CTNNA3: variants seen among roughly 807,000 people sequenced by gnomAD.
CTNNA3 encodes catenin alpha 3.
In CTNNA3, 76 loss-of-function variants were observed where a neutral mutation model predicts 95.7. The observed-to-expected ratio is 0.79, with a 90% CI of 0.66 to 0.96. The LOEUF (loss-of-function observed/expected upper bound fraction) is 0.96. Ranked by LOEUF, CTNNA3 falls within the 40% of genes least tolerant of loss-of-function variation. The probability of loss-of-function intolerance (pLI) is 0.00; values close to 1 mark genes in which losing one functional copy is unlikely to be tolerated. For missense variants in CTNNA3, 1,191 were observed against 1,089.8 expected (o/e 1.09, Z -1.31); for synonymous variants, 431 against 374.4 (o/e 1.15, Z -1.74).
At chr10:65,922,655 T>A (rs2077106808) in intron 17 of CTNNA3, among the ~76,000 whole-genome samples, 1 of 152,178 alleles carries the variant, frequency 6.6e-6, no homozygotes, top group Non-Finnish European at 1.5e-5. Flanking sequence ...CTTTTTTTTC[T>A]TATTCTCCAA....
intron 15 of CTNNA3, among the ~76,000 whole-genome samples, chr10:66,052,271 C>CA (rs1234699504): frequency 1.3e-5 from 2 of 152,084 alleles, no homozygotes; most frequent in Non-Finnish European, 2.9e-5. Flanking sequence ...CAGAAAGGAC[C>CA]TGGCTAATGA....
intron 3 of CTNNA3, among the ~76,000 whole-genome samples, chr10:67,566,006 T>TAC (rs1339908096): frequency 9.2e-6 from 1 of 108,384 alleles, no homozygotes; most frequent in Non-Finnish European, 1.8e-5. Context: ...TATATATATA[T>TAC]ACACACACAA....
intron 5 of CTNNA3, among the ~76,000 whole-genome samples, chr10:67,504,379 T>A (rs1839360099): frequency 1.7e-5 from 2 of 117,474 alleles, no homozygotes; most frequent in Admixed American, 1.1e-4. Context: ...CAAGAACCAC[T>A]GCACTGAAAT....
At chr10:67,169,990 A>G (rs532900584) in intron 7 of CTNNA3, among the ~76,000 whole-genome samples, 122 of 152,346 alleles carry the variant, frequency 8.0e-4, no homozygotes, top group Non-Finnish European at 1.3e-3. Flanking sequence ...AAAAGAAGAC[A>G]TAGATGTGGC....
intron 12 of CTNNA3, among the ~76,000 whole-genome samples, chr10:66,340,097 T>A (rs563609787): frequency 1.3e-5 from 2 of 151,806 alleles, no homozygotes; most frequent in Non-Finnish European, 3.0e-5. Flanking sequence ...TATTTGTGGG[T>A]CTTGGTTGAC....
intron 2 of CTNNA3, among the ~76,000 whole-genome samples, chr10:67,639,280 C>T (rs561586259): frequency 6.6e-5 from 10 of 152,294 alleles, no homozygotes; most frequent in African/African-American, 2.2e-4. Flanking sequence ...TTCCTCGACA[C>T]ATACACCCTC....
At chr10:66,515,345 C>CTA (rs1554809600) in intron 11 of CTNNA3, among the ~76,000 whole-genome samples, 1,639 of 148,954 alleles carry the variant, frequency 0.011, 16 homozygotes, top group African/African-American at 0.015. Flanking sequence ...CTCTCTCTCT[C>CTA]TATATATATA....
At chr10:66,498,723 G>A (rs1032337333) in intron 11 of CTNNA3, among the ~76,000 whole-genome samples, 12 of 152,222 alleles carry the variant, frequency 7.9e-5, no homozygotes, top group African/African-American at 2.9e-4. Flanking sequence ...ATCATTCTGT[G>A]CAATTACACA....
Position 67,351,951 on chromosome 10 carries a change from A to G in CTNNA3, c.580-132081T>C, listed in dbSNP as rs111368117. On this transcript the variant is annotated intron_variant, in intron 5 of 17. Coordinates refer to ENST00000433211, the MANE Select transcript of CTNNA3 (RefSeq NM_013266.4). ...AACATTCCATTTCCTGAAAATGATC[A>G]TCAAAAGACAAATGCAATTTAATTC... Among the ~76,000 whole-genome samples, 123 of 152,172 alleles carry G rather than the reference A, an allele frequency of 8.1e-4. 1 individual carries two copies. Among genetic ancestry groups the G allele is most frequent in the African/African-American group, 2.9e-3 (119 of 41,568 alleles).
intron 10 of CTNNA3, among the ~76,000 whole-genome samples, chr10:66,534,599 T>G (rs920735910): frequency 6.7e-6 from 1 of 149,986 alleles, no homozygotes; most frequent in African/African-American, 2.4e-5. Flanking sequence ...GAATAATGTC[T>G]TTCTTAAATT....
chr10:67,752,397 C>G (rs1841412145), intron 1 of CTNNA3, among the ~76,000 whole-genome samples: 1 of 152,086 alleles, frequency 6.6e-6, no homozygotes, highest in Admixed American at 6.6e-5. Flanking sequence ...GGAAGCATTC[C>G]CCTTGAAACC....
At chr10:67,121,853 A>G (rs1195066854) in intron 7 of CTNNA3, among the ~76,000 whole-genome samples, 4 of 152,014 alleles carry the variant, frequency 2.6e-5, no homozygotes, top group Non-Finnish European at 5.9e-5. Flanking sequence ...AAACAGGGAT[A>G]TAGGTCCATA....
At chr10:67,309,538 A>G (rs985733555) in intron 5 of CTNNA3, among the ~76,000 whole-genome samples, 1 of 152,094 alleles carries the variant, frequency 6.6e-6, no homozygotes, top group Non-Finnish European at 1.5e-5. Flanking sequence ...GCTAATAAGA[A>G]TAAGTGTGTG....
intron 10 of CTNNA3, among the ~76,000 whole-genome samples, chr10:66,581,769 G>A (rs1843197216): frequency 6.6e-6 from 1 of 151,390 alleles, no homozygotes; most frequent in Admixed American, 6.6e-5. Flanking sequence ...GATCTTTTAT[G>A]GTTTCAGGTC....
At chr10:67,723,675 T>C (rs1184964572) in intron 1 of CTNNA3, among the ~76,000 whole-genome samples, 1 of 152,220 alleles carries the variant, frequency 6.6e-6, no homozygotes, top group East Asian at 1.9e-4. Context: ...AAATGCTTTT[T>C]GGTCCACTTT....
In CTNNA3 at chr10:65,990,325, T is replaced by C. The variant is rs543641652; in HGVS notation, c.2160-1528A>G. ...TCCATATTGTTTTCCATAATGGCTG[T>C]ACTAGTTTACATTCTCATCAACAGT... On this transcript the variant is annotated intron_variant, in intron 15 of 17. Transcript: ENST00000433211. Among the ~76,000 whole-genome samples, 6 of 151,852 alleles carry C rather than the reference T, an allele frequency of 4.0e-5. No homozygotes were observed. The South Asian group carries it at 1.2e-3, about 31-fold the overall frequency.
intron 10 of CTNNA3, among the ~76,000 whole-genome samples, chr10:66,554,377 A>G (rs562005563): frequency 6.6e-6 from 1 of 152,220 alleles, no homozygotes; most frequent in South Asian, 2.1e-4. Context: ...GACTCTTTAA[A>G]TCTATTATCT....
chr10:67,249,405 A>T (rs1463817185), intron 5 of CTNNA3, among the ~76,000 whole-genome samples: 3 of 152,188 alleles, frequency 2.0e-5, no homozygotes, highest in African/African-American at 4.8e-5. Context: ...TAATATTTAC[A>T]TACATCACAT....
intron 12 of CTNNA3, among the ~76,000 whole-genome samples, chr10:66,334,295 G>T (rs1025517208): frequency 6.6e-6 from 1 of 151,870 alleles, no homozygotes; most frequent in Non-Finnish European, 1.5e-5. Context: ...TATTTTGCTC[G>T]TTAGTTGATG....
Sources: gnomAD v4.1 joint callset for allele counts (sites outside exome capture counted in the v4.1 genomes callset) on GRCh38, gnomAD v4.1.1 for gene constraint, MANE v1.5 for transcripts, NCBI Gene and HGNC (gene_info 2026-07-23, HGNC 2026-07-21) for gene names.